SZT2: variants seen among roughly 807,000 people sequenced by gnomAD.
The protein encoded by SZT2 is KICSTOR complex protein SZT2.
A neutral mutation model predicts 404.2 loss-of-function variants in SZT2; 216 were observed. That is an observed-to-expected ratio of 0.53 (90% CI 0.48 to 0.60). The LOEUF is 0.60. Among genes scored for constraint, SZT2 ranks in the 20% least tolerant of loss-of-function variants. SZT2 has a pLI of 0.00. For synonymous variants in SZT2, 1,693 were observed against 1,749.9 expected (o/e 0.97, Z 0.81); for missense variants, 3,857 against 4,459.2 (o/e 0.86, Z 3.85).
rs775665930 is a variant in SZT2, at chr1:43,439,367, C to T, written c.6802C>T (p.Pro2268Ser). Residue 2268 changes from proline (P) to serine (S), a missense_variant, in exon 49 of 72, where the codon CCA (proline) becomes TCA (serine). Pro to Ser is a moderately conservative substitution (Grantham distance 74). This residue lies in a region of SZT2 where 261 missense variants were observed against 372.9 expected (regional missense o/e 0.70). Transcript: ENST00000634258. The surrounding 1 kb of genome is among the most constrained non-coding windows in gnomAD (Gnocchi z 4.2). ...NSRNHFQHPLPPQGGLPDLDI... is the reference protein window; with the variant it reads ...NSRNHFQHPLSPQGGLPDLDI... The stretch of plus-strand genomic sequence containing the variant: ...GCTGTTCTTTCCCCAGCATCCACTC[C>T]CACCACAGGGTGGCCTCCCTGACTT... 1 of 1,614,052 alleles carries T rather than the reference C, an allele frequency of 6.2e-7. No individual in the cohort carries two copies. Among genetic ancestry groups the T allele is most frequent in the Non-Finnish European group, 8.5e-7 (1 of 1,180,000 alleles).
Position 43,424,848 on chromosome 1 carries a change from G to T in SZT2, c.2536G>T (p.Glu846Ter). The T allele has an allele frequency of 1.2e-6, 2 of 1,614,034 alleles. No individual in the cohort carries two copies. The highest frequency in any genetic ancestry group is 1.7e-6 in the Non-Finnish European group (2 of 1,179,928). Reference sequence around the variant, plus strand: ...GGAAGGAATCATCAACATGGTTCTGGAGCTTCCAATTCAGGTACGTGCCAT... The same window carrying T: ...GGAAGGAATCATCAACATGGTTCTGTAGCTTCCAATTCAGGTACGTGCCAT... ...SGEGIINMVL[E>*]LPIQNEPPGQ... Residue 846 changes from glutamate (E) to a stop codon, truncating the protein, a stop_gained, in exon 17 of 72, where the codon GAG becomes TAG. Transcript: ENST00000634258. LOFTEE classifies it high-confidence loss of function. This position sits in a 1 kb window ranked among gnomAD's most constrained non-coding sequence, Gnocchi z 4.1.
chr1:43,404,762 A>G (rs932679777), intron 4 of SZT2: 13 of 482,336 alleles, frequency 2.7e-5, no homozygotes, highest in Admixed American at 8.0e-5. Flanking sequence ...ACTTCGGGTC[A>G]GTTGGTGTTG....
Position 43,452,971 on chromosome 1 carries a change from A to G in SZT2, c.*2491A>G. On this transcript the variant is annotated 3_prime_UTR_variant, in exon 72 of 72. Coordinates refer to ENST00000634258, the MANE Select transcript of SZT2 (RefSeq NM_001365999.1). The stretch of plus-strand genomic sequence containing the variant: ...TTGCCACAGCACCCTTGCAAGGAAC[A>G]CTCAACTTCCTGCCCATCAAGCAAT... 6.2e-7 allele frequency: 1 copy of G among 1,608,480 alleles called. No individual in the cohort carries two copies. Among genetic ancestry groups the G allele is most frequent in the Non-Finnish European group, 8.5e-7 (1 of 1,177,636 alleles).
At chr1:43,443,133 T>C in intron 59 of SZT2, 47 bp downstream of exon 59, 1 of 1,613,338 alleles carries the variant, frequency 6.2e-7, no homozygotes, top group Non-Finnish European at 8.5e-7. Flanking sequence ...CTGTGGAGTC[T>C]GGGAGGAAGG....
At chr1:43,391,934 A>ACATTTT (rs1648404324) in intron 1 of SZT2, among the ~76,000 whole-genome samples, 1 of 69,168 alleles carries the variant, frequency 1.4e-5, no homozygotes, top group Admixed American at 1.5e-4. Context: ...AATACAAAAA[A>ACATTTT]TTAGCTGGGC....
intron 26 of SZT2, 46 bp downstream of exon 26, chr1:43,427,780 C>G: frequency 6.3e-7 from 1 of 1,594,362 alleles, no homozygotes; most frequent in African/African-American, 1.3e-5. Flanking sequence ...GGCCATGGCT[C>G]CCAGCCAAGA....
At chr1:43,394,827 C>T (rs1037367851) in intron 1 of SZT2, among the ~76,000 whole-genome samples, 2 of 149,862 alleles carry the variant, frequency 1.3e-5, no homozygotes, top group African/African-American at 4.9e-5. Context: ...TGCGGTGAGC[C>T]GAGATGGTGC....
In SZT2 at chr1:43,442,540, C is replaced by T; in HGVS notation, c.8073C>T (p.Leu2691=). 1 of 1,614,116 alleles carries T rather than the reference C, an allele frequency of 6.2e-7. No homozygotes were observed. The highest frequency in any genetic ancestry group is 8.5e-7 in the Non-Finnish European group (1 of 1,179,986). The change falls in exon 58 of 72, where the codon CTC becomes CTT. Residue 2691 remains leucine (L), a synonymous_variant. Transcript: ENST00000634258. This position sits in a 1 kb window ranked among gnomAD's most constrained non-coding sequence, Gnocchi z 4.5. ...AGTGGCAGAATGCACGAGCCCATCT[C>T]ATCTTCTGCCTACTCAGCCAGAAGC... is the stretch of plus-strand genomic sequence containing the variant. The part of the protein sequence containing the change: ...LVQWQNARAH[L]IFCLLSQKLG...
At chr1:43,407,827 C>CTTT (rs1273177130) in intron 4 of SZT2, among the ~76,000 whole-genome samples, 69 of 94,478 alleles carry the variant, frequency 7.3e-4, no homozygotes, top group Non-Finnish European at 1.2e-3. Context: ...AAATTCTAAC[C>CTTT]TTTTTTTTTT....
At chr1:43,435,477 A>C in intron 42 of SZT2, 148 bp downstream of exon 42, 1 of 894,494 alleles carries the variant, frequency 1.1e-6, no homozygotes, top group South Asian at 1.9e-5. Context: ...ATAGGACAGG[A>C]AAGGATCACT....
At chr1:43,445,531 G>A in intron 62 of SZT2, 1 of 315,744 alleles carries the variant, frequency 3.2e-6, no homozygotes, top group Non-Finnish European at 6.1e-6. Flanking sequence ...CCTTTCAGAG[G>A]AAGGTACCTA....
chr1:43,405,481 C>T (rs1051966615), intron 4 of SZT2: 4 of 152,158 alleles, frequency 2.6e-5, no homozygotes, highest in Admixed American at 2.0e-4. Context: ...AAGCATTGGC[C>T]CAGTTTCCCC....
rs904981812 is a variant in SZT2 at position 43,391,385 on chromosome 1, A to G, written c.27+1390A>G. Reference sequence around the variant, plus strand: ...AGTCAGGACTCCAAAACAGATGGCCAGGCTCCAGTCCTTGTGTTCTTAACC... The same window carrying G: ...AGTCAGGACTCCAAAACAGATGGCCGGGCTCCAGTCCTTGTGTTCTTAACC... On this transcript the variant is annotated intron_variant, in intron 1 of 71. Coordinates refer to ENST00000634258, the MANE Select transcript of SZT2 (RefSeq NM_001365999.1). Among the ~76,000 whole-genome samples, 7 of 152,208 alleles carry G rather than the reference A, an allele frequency of 4.6e-5. No individual in the cohort carries two copies. In the East Asian group the frequency reaches 1.3e-3, roughly 29 times the overall value.
chr1:43,431,704 G>A lies in SZT2; in HGVS notation c.5089-12G>A. ...AGGGAGATGCCCTTTGTCACTTGCT[G>A]TCTAACTGTAGATCCGCTGGTTGTT... On this transcript the variant is annotated splice_polypyrimidine_tract_variant and intron_variant, in intron 35 of 71. Transcript: ENST00000634258. 1 of 1,613,670 alleles carries A rather than the reference G, an allele frequency of 6.2e-7. No individual in the cohort carries two copies. Among genetic ancestry groups the A allele is most frequent in the Middle Eastern group, 1.7e-4 (1 of 6,046 alleles).
At position 43,434,516 on chromosome 1, in the gene SZT2, C is replaced by G. The variant is rs1570685638; in HGVS notation, c.5904+31C>G. The G allele has an allele frequency of 1.9e-6, 3 of 1,549,970 alleles. No individual in the cohort carries two copies. The East Asian group carries it at 6.9e-5, about 36-fold the overall frequency. ...GGGCAGGACTCTCCAGACCCGGACA[C>G]ACAGAGCAGATGAGAACCAAATTTC... On this transcript the variant is annotated intron_variant, in intron 41 of 71. Transcript: ENST00000634258.
chr1:43,434,521 A>G (rs1654263346), intron 41 of SZT2, 36 bp downstream of exon 41: 1 of 1,525,476 alleles, frequency 6.6e-7, no homozygotes, highest in African/African-American at 1.4e-5. Flanking sequence ...GGACACACAG[A>G]GCAGATGAGA....
chr1:43,448,845 G>A lies in SZT2; in HGVS notation c.10086+117G>A, dbSNP rs1378718329. 6.6e-5 allele frequency: 61 copies of A among 918,896 alleles called. No individual in the cohort carries two copies. The highest frequency in any genetic ancestry group is 1.0e-4 in the Non-Finnish European group (59 of 565,190). The allele number at this position is 918,896 out of a possible 1,614,324, so 56.9% of individuals were successfully genotyped here. The stretch of plus-strand genomic sequence containing the variant: ...CTCTGGAGGGAGGCCTAGACAGAAC[G>A]GGACTACACAGATACATGTAAAACC... On this transcript the variant is annotated intron_variant, in intron 70 of 71. Transcript: ENST00000634258. The surrounding 1 kb of genome is among the most constrained non-coding windows in gnomAD (Gnocchi z 4.2).
chr1:43,426,316 G>T lies in SZT2; in HGVS notation c.3044-52G>T. The T allele has an allele frequency of 6.6e-7, 1 of 1,508,068 alleles. No homozygotes were observed. The highest frequency in any genetic ancestry group is 8.9e-7 in the Non-Finnish European group (1 of 1,127,588). The allele number at this position is 1,508,068 out of a possible 1,614,324, so 93.4% of individuals were successfully genotyped here. ...GCCAGCTGGTCAGGGCTGAGCCGGG[G>T]GCACCGGGCAGCAGGAGGCTCTTGG... On this transcript the variant is annotated intron_variant, in intron 21 of 71. Coordinates refer to ENST00000634258, the MANE Select transcript of SZT2 (RefSeq NM_001365999.1). This position sits in a 1 kb window ranked among gnomAD's most constrained non-coding sequence, Gnocchi z 4.9.
rs1188051122 is a variant in SZT2 at position 43,451,160 on chromosome 1, C to T, written c.*680C>T. 1.1e-5 allele frequency: 15 copies of T among 1,311,748 alleles called. No homozygotes were observed. Among genetic ancestry groups the T allele is most frequent in the Non-Finnish European group, 1.7e-5 (15 of 905,238 alleles). 81.3% of individuals were successfully genotyped at this position (1,311,748 alleles called of 1,614,324 possible). A position where few individuals can be genotyped will look rare whatever the true frequency, so the allele number is the denominator to read the frequency against. On this transcript the variant is annotated 3_prime_UTR_variant, in exon 72 of 72. Coordinates refer to ENST00000634258, the MANE Select transcript of SZT2 (RefSeq NM_001365999.1). ...CATTACAGAGACATATGACAATGTT[C>T]AGCAGGTCATCTTTAATGCAGAGGA...
Sources: gnomAD v4.1 joint callset for allele counts (sites outside exome capture counted in the v4.1 genomes callset) on GRCh38, gnomAD v4.1.1 for gene constraint, gnomAD v4.1.1 regional missense constraint, Gnocchi (gnomAD v3.1) non-coding constraint, MANE v1.5 for transcripts, NCBI Gene and HGNC (gene_info 2026-07-23, HGNC 2026-07-21) for gene names.